The following RASGRF1 variants were observed in gnomAD, a reference collection of about 807,000 sequenced individuals.
RASGRF1 encodes the protein ras-specific guanine nucleotide-releasing factor 1.
RASGRF1 carries 40 observed loss-of-function variants against 138.7 expected under a neutral mutation model. The ratio of observed to expected loss-of-function variants is 0.29; its 90% CI spans 0.22 to 0.38. The LOEUF is 0.38. Ranked by LOEUF, RASGRF1 falls within the 10% of genes least tolerant of loss-of-function variation. The pLI, the probability that RASGRF1 is intolerant of heterozygous loss-of-function variation, is 1.00. For synonymous variants in RASGRF1, 614 were observed against 663.2 expected (o/e 0.93, Z 1.14); for missense variants, 1,108 against 1,650.4 (o/e 0.67, Z 5.69).
chr15:78,978,419 T>A (rs1182627252), intron 24 of RASGRF1: 2 of 692,130 alleles, frequency 2.9e-6, no homozygotes, highest in Non-Finnish European at 3.6e-6. Context: ...GAGACAGGGT[T>A]TTGCCATGTT....
chr15:79,090,565 C>G lies in RASGRF1; in HGVS notation c.-67G>C. The G allele has an allele frequency of 2.6e-6, 4 of 1,561,788 alleles. No homozygotes were observed. The Admixed American group carries it at 5.2e-5, about 20-fold the overall frequency. ...TCCGCGCAGCAGCCCCCCGTCCGTG[C>G]GCGCTGCGCGCTGCCTCTCTCTGGC... On this transcript the variant is annotated 5_prime_UTR_variant, in exon 1 of 27. Transcript: ENST00000558480.
chr15:79,016,862 C>T (rs1222304130), intron 12 of RASGRF1, among the ~76,000 whole-genome samples: 1 of 152,182 alleles, frequency 6.6e-6, no homozygotes, highest in Non-Finnish European at 1.5e-5. Context: ...AGATGCTGCC[C>T]TGCCCTTTCA....
intron 26 of RASGRF1, among the ~76,000 whole-genome samples, chr15:78,969,000 T>C (rs1206318738): frequency 6.6e-6 from 1 of 152,214 alleles, no homozygotes; most frequent in African/African-American, 2.4e-5. Context: ...CCCCCTTTCT[T>C]GGCCCATTGA....
intron 5 of RASGRF1, among the ~76,000 whole-genome samples, chr15:79,044,004 C>T (rs1026083373): frequency 6.6e-6 from 1 of 152,230 alleles, no homozygotes; most frequent in Non-Finnish European, 1.5e-5. Flanking sequence ...GGGAAGTGCA[C>T]TCAGATGCAC....
At chr15:79,003,087 T>C (rs1567494114) in intron 15 of RASGRF1, among the ~76,000 whole-genome samples, 1 of 152,190 alleles carries the variant, frequency 6.6e-6, no homozygotes, top group Non-Finnish European at 1.5e-5. Context: ...CAGCCTGTCC[T>C]GGAATCATCT....
At chr15:78,981,242 T>C (rs1048441623) in intron 23 of RASGRF1, 2 of 152,150 alleles carry the variant, frequency 1.3e-5, no homozygotes, top group African/African-American at 4.8e-5. Flanking sequence ...CAAAGGGCTT[T>C]GCCAAGCGAC....
chr15:78,990,049 C>A, intron 22 of RASGRF1, 140 bp downstream of exon 22: 1 of 738,166 alleles, frequency 1.4e-6, no homozygotes, highest in Non-Finnish European at 2.4e-6. Context: ...AGCCCGAGGC[C>A]ACATGGCAAG....
At chr15:79,025,266 C>T in intron 10 of RASGRF1, 48 bp downstream of exon 10, 2 of 1,536,788 alleles carry the variant, frequency 1.3e-6, no homozygotes, top group Non-Finnish European at 1.8e-6. Context: ...ACAGCGCCTG[C>T]ATGACCCTAG....
intron 24 of RASGRF1, among the ~76,000 whole-genome samples, chr15:78,976,559 A>C (rs375846363): frequency 6.7e-6 from 1 of 148,662 alleles, no homozygotes; most frequent in African/African-American, 2.5e-5. Context: ...CACTCAATCA[A>C]ACACACACAC....
intron 24 of RASGRF1, among the ~76,000 whole-genome samples, chr15:78,976,056 G>A (rs1205807276): frequency 2.0e-5 from 3 of 152,170 alleles, no homozygotes; most frequent in Non-Finnish European, 4.4e-5. Context: ...ACTGCAAGCT[G>A]ACTGCAAATG....
In RASGRF1 at chr15:79,035,332, G is replaced by A. The variant is rs947638031; in HGVS notation, c.879-122C>T. The stretch of plus-strand genomic sequence containing the variant: ...CCCTTTTCTCATGTGAGACCTTAAC[G>A]TGAAAACTGCACCGGCAGGATGGAT... On this transcript the variant is annotated intron_variant, in intron 5 of 26. Coordinates refer to ENST00000558480, the MANE Select transcript of RASGRF1 (RefSeq NM_001145648.3). 9.6e-6 allele frequency: 7 copies of A among 726,876 alleles called. No individual in the cohort carries two copies. The African/African-American group carries it at 1.1e-4, about 11-fold the overall frequency. The allele number at this position is 726,876 out of a possible 1,614,324, so 45.0% of individuals were successfully genotyped here.
chr15:79,003,933 A>G lies in RASGRF1; in HGVS notation c.2318T>C (p.Met773Thr). The G allele has an allele frequency of 6.2e-7, 1 of 1,614,186 alleles. No homozygotes were observed. Residue 773 changes from methionine to threonine, a missense_variant, in exon 15 of 27, where the codon ATG (methionine) becomes ACG (threonine). By Grantham distance (81) the Met-to-Thr change is moderately conservative. Transcript: ENST00000558480. Reference protein sequence around the residue: ...SNGYTSMYSAMSPFSKATLDT... With the variant: ...SNGYTSMYSATSPFSKATLDT... ...CAGCGTGGCCTTGCTGAAGGGTGAC[A>G]TGGCCGAGTACATGCTGGTGTAGCC...
At position 79,090,642 on chromosome 15, in the gene RASGRF1, C is replaced by T; in HGVS notation, c.-144G>A. On this transcript the variant is annotated 5_prime_UTR_variant, in exon 1 of 27. Coordinates refer to ENST00000558480, the MANE Select transcript of RASGRF1 (RefSeq NM_001145648.3). ...TCCCCTCCCCCCAAATATCTACACT[C>T]CAGGATCTGGCGCCGAGCCGCGGCT... 1 of 1,171,012 alleles carries T rather than the reference C, an allele frequency of 8.5e-7. No homozygotes were observed. The highest frequency in any genetic ancestry group is 1.2e-6 in the Non-Finnish European group (1 of 841,150). The allele number at this position is 1,171,012 out of a possible 1,614,324, so 72.5% of individuals were successfully genotyped here.
chr15:79,087,979 C>A (rs368980280), intron 1 of RASGRF1, among the ~76,000 whole-genome samples: 1 of 152,190 alleles, frequency 6.6e-6, no homozygotes, highest in East Asian at 1.9e-4. Context: ...TAGTAGTGTT[C>A]TGGGGAAACA....
chr15:78,991,603 TG>T, intron 21 of RASGRF1, 87 bp downstream of exon 21: 1 of 1,089,048 alleles, frequency 9.2e-7, no homozygotes, highest in Non-Finnish European at 1.4e-6. Context: ...CGTGCAGCTC[TG>T]GAAATTCACT....
At chr15:79,047,027 C>A in intron 4 of RASGRF1, 28 bp from the exon 5 acceptor site, 1 of 1,599,708 alleles carries the variant, frequency 6.3e-7, no homozygotes, top group Non-Finnish European at 8.5e-7. Flanking sequence ...TGGGGAGAGG[C>A]TCCTGTCAGG....
chr15:79,041,345 T>C (rs1473103887), intron 5 of RASGRF1, among the ~76,000 whole-genome samples: 1 of 152,240 alleles, frequency 6.6e-6, no homozygotes, highest in African/African-American at 2.4e-5. Flanking sequence ...CTCCCAGAAT[T>C]GTGCAGTGCA....
chr15:79,088,032 TG>T (rs1356803700), intron 1 of RASGRF1, among the ~76,000 whole-genome samples: 74 of 152,364 alleles, frequency 4.9e-4, no homozygotes, highest in African/African-American at 1.6e-3. Flanking sequence ...TTTGCACTGA[TG>T]TTCCTCCCAT....
intron 12 of RASGRF1, 136 bp from the exon 13 acceptor site, chr15:79,015,545 CA>C: frequency 3.9e-6 from 3 of 768,228 alleles, no homozygotes; most frequent in Non-Finnish European, 4.3e-6. Context: ...ATTGTCCTGG[CA>C]AAGGCAGGGT....
Sources: gnomAD v4.1 joint callset for allele counts (sites outside exome capture counted in the v4.1 genomes callset) on GRCh38, gnomAD v4.1.1 for gene constraint, MANE v1.5 for transcripts, NCBI Gene and HGNC (gene_info 2026-07-23, HGNC 2026-07-21) for gene names.